The following SLC24A2 variants were observed in gnomAD, a reference collection of about 807,000 sequenced individuals.
SLC24A2 encodes the protein solute carrier family 24 member 2.
SLC24A2 carries 36 observed loss-of-function variants against 62.0 expected under a neutral mutation model. The observed-to-expected ratio is 0.58, with a 90% CI of 0.44 to 0.77. The LOEUF is 0.77. SLC24A2 is among the 30% of genes least tolerant of loss of function. The pLI is 0.00. For missense variants in SLC24A2, 846 were observed against 817.9 expected, an observed-to-expected ratio of 1.03 and a Z score of -0.42; for synonymous variants, 358 against 294.0, an observed-to-expected ratio of 1.22 and a Z score of -2.23.
At chr9:19,980,493 A>G in the SLC24A2 span, among the ~76,000 whole-genome samples, 1 of 152,294 alleles carries the variant, frequency 6.6e-6, no homozygotes, top group Non-Finnish European at 1.5e-5. Context: ...ACATGAAAAG[A>G]CAAAAGTAAG....
chr9:20,050,844 T>C, the SLC24A2 span, among the ~76,000 whole-genome samples: 1 of 152,186 alleles, frequency 6.6e-6, no homozygotes, highest in Admixed American at 6.5e-5. Context: ...CTGCCTGTTG[T>C]AATGATGTCA....
chr9:20,051,692 C>T, the SLC24A2 span, among the ~76,000 whole-genome samples: 1 of 73,790 alleles, frequency 1.4e-5, no homozygotes, highest in African/African-American at 6.1e-5. Flanking sequence ...TGCTTGCTCC[C>T]AGCCCAACCT....
chr9:20,276,776 G>C, the SLC24A2 span, among the ~76,000 whole-genome samples: 1 of 152,214 alleles, frequency 6.6e-6, no homozygotes, highest in African/African-American at 2.4e-5. Flanking sequence ...CTCAGTGCTT[G>C]ACTTCTGTAT....
chr9:19,573,529 C>CACACACACAGAGAGAGAGAGAG (rs1390433234), intron 6 of SLC24A2, 60 bp from the exon 7 acceptor site: 1 of 403,618 alleles, frequency 2.5e-6, no homozygotes, highest in Admixed American at 3.9e-5. Context: ...CACACACACA[C>CACACACACAGAGAGAGAGAGAG]AGAGAGAGAG....
the SLC24A2 span, among the ~76,000 whole-genome samples, chr9:20,293,448 G>C: frequency 2.6e-5 from 4 of 152,172 alleles, no homozygotes; most frequent in Non-Finnish European, 4.4e-5. Flanking sequence ...GAACCCCTAT[G>C]ACTGGTCCTT....
the SLC24A2 span, among the ~76,000 whole-genome samples, chr9:20,006,887 T>C: frequency 0.026 from 3,891 of 152,262 alleles, 192 homozygotes; most frequent in African/African-American, 0.088. Context: ...ATAAAATGGG[T>C]ACACAGTGCT....
chr9:20,165,361 GA>G, the SLC24A2 span, among the ~76,000 whole-genome samples: 1 of 151,732 alleles, frequency 6.6e-6, no homozygotes, highest in African/African-American at 2.4e-5. Flanking sequence ...GAAAATAACT[GA>G]AAAGGAAGAG....
the SLC24A2 span, among the ~76,000 whole-genome samples, chr9:20,102,434 T>C: frequency 1.4e-5 from 2 of 145,548 alleles, no homozygotes; most frequent in South Asian, 4.4e-4. Context: ...TAAGTGGGAG[T>C]TGAACATTGA....
At chr9:20,191,292 T>TA in the SLC24A2 span, among the ~76,000 whole-genome samples, 1 of 152,194 alleles carries the variant, frequency 6.6e-6, no homozygotes, top group African/African-American at 2.4e-5. Flanking sequence ...TTTATATACT[T>TA]ACTGTTTCTG....
the SLC24A2 span, among the ~76,000 whole-genome samples, chr9:20,067,776 C>T: frequency 6.6e-5 from 10 of 152,138 alleles, no homozygotes; most frequent in Non-Finnish European, 1.5e-5. Context: ...TTTCTTTATC[C>T]AATCCACCAC....
chr9:19,529,360 A>G (rs775737665), intron 8 of SLC24A2, among the ~76,000 whole-genome samples: 1 of 152,224 alleles, frequency 6.6e-6, no homozygotes, highest in Non-Finnish European at 1.5e-5. Context: ...TTGAATATCA[A>G]TAATGATGAA....
intron 9 of SLC24A2, among the ~76,000 whole-genome samples, chr9:19,526,011 A>G (rs1833432798): frequency 6.6e-6 from 1 of 151,342 alleles, no homozygotes. Context: ...TTTTCCCCCA[A>G]CCTCTCCAAT....
the SLC24A2 span, among the ~76,000 whole-genome samples, chr9:20,290,193 C>T: frequency 6.6e-6 from 1 of 152,172 alleles, no homozygotes; most frequent in African/African-American, 2.4e-5. Flanking sequence ...ATACTGAGTG[C>T]AGCAAGCAGG....
rs547268401 is a variant in SLC24A2 at position 19,633,048 on chromosome 9, T to A, written c.931-10749A>T. On this transcript the variant is annotated intron_variant, in intron 2 of 10. Transcript: ENST00000341998. ...TACAATTTCATAAATGTTATATAAA[T>A]GGAATAATGTCATATGTATACTTTT... 3.1e-4 allele frequency among the ~76,000 whole-genome samples: 47 copies of A among 152,368 alleles called. 1 individual carries two copies. Among genetic ancestry groups the A allele is most frequent in the Admixed American group, 7.2e-4 (11 of 15,306 alleles).
At chr9:20,066,713 G>A in the SLC24A2 span, among the ~76,000 whole-genome samples, 6 of 152,172 alleles carry the variant, frequency 3.9e-5, no homozygotes, top group Admixed American at 3.3e-4. Flanking sequence ...GCTACTAGGA[G>A]TGAATCCTTT....
the SLC24A2 span, among the ~76,000 whole-genome samples, chr9:19,873,444 T>C: frequency 2.1e-5 from 3 of 141,932 alleles, no homozygotes; most frequent in African/African-American, 8.1e-5. Flanking sequence ...CCTTCCTTTC[T>C]TTCTCTTTCT....
upstream of SLC24A2, among the ~76,000 whole-genome samples, chr9:19,791,527 G>A (rs569398930): frequency 3.9e-5 from 6 of 152,266 alleles, no homozygotes; most frequent in East Asian, 3.9e-4. Flanking sequence ...ATCCATATTC[G>A]ACTCAAGATT....
chr9:19,729,988 T>C (rs989810826), intron 2 of SLC24A2, among the ~76,000 whole-genome samples: 6 of 152,110 alleles, frequency 3.9e-5, no homozygotes, highest in Admixed American at 2.0e-4. Context: ...CCTATGAATA[T>C]GTACCATTAT....
chr9:19,635,789 T>G (rs1213645537), intron 2 of SLC24A2, among the ~76,000 whole-genome samples: 1 of 152,246 alleles, frequency 6.6e-6, no homozygotes, highest in Non-Finnish European at 1.5e-5. Context: ...TCTTTATGAG[T>G]AATTTTAAAG....
Sources: gnomAD v4.1 joint callset for allele counts (sites outside exome capture counted in the v4.1 genomes callset) on GRCh38, gnomAD v4.1.1 for gene constraint, MANE v1.5 for transcripts, NCBI Gene and HGNC (gene_info 2026-07-23, HGNC 2026-07-21) for gene names.